The following SLC26A5 variants were observed in gnomAD, a reference collection of about 807,000 sequenced individuals.
The protein encoded by SLC26A5 is solute carrier family 26 member 5.
Under a neutral mutation model 81.0 loss-of-function variants are expected in SLC26A5, and 51 were observed. The ratio of observed to expected loss-of-function variants is 0.63; its 90% CI spans 0.50 to 0.80. The LOEUF (loss-of-function observed/expected upper bound fraction) is 0.80. Among genes scored for constraint, SLC26A5 ranks in the 30% least tolerant of loss-of-function variants. The pLI, the probability that SLC26A5 is intolerant of heterozygous loss-of-function variation, is 0.00. For missense variants in SLC26A5, 771 were observed against 905.8 expected (o/e 0.85, Z 1.91); for synonymous variants, 325 against 332.8 (o/e 0.98, Z 0.25).
intron 14 of SLC26A5, among the ~76,000 whole-genome samples, chr7:103,386,512 G>A (rs1197637639): frequency 6.6e-6 from 1 of 151,752 alleles, no homozygotes; most frequent in Non-Finnish European, 1.5e-5. Flanking sequence ...GCAGTGAGCC[G>A]AGATCATGCC....
intron 19 of SLC26A5, chr7:103,364,439 C>CAACAA: frequency 9.1e-6 from 9 of 994,450 alleles, no homozygotes; most frequent in Non-Finnish European, 1.3e-5. Flanking sequence ...GACAGAGTCT[C>CAACAA]ATTGTGTTGC....
chr7:103,430,293 G>T (rs1176509523), intron 2 of SLC26A5, among the ~76,000 whole-genome samples: 1 of 152,116 alleles, frequency 6.6e-6, no homozygotes, highest in African/African-American at 2.4e-5. Flanking sequence ...TGGCCAGGCT[G>T]GTCTCAAACT....
downstream of SLC26A5, among the ~76,000 whole-genome samples, chr7:103,372,879 T>TA (rs5886252): frequency 0.84 from 120,436 of 142,584 alleles, 52,803 homozygotes; most frequent in East Asian, 0.99. Context: ...AAGGGAAATC[T>TA]AAAAAAAAAA....
downstream of SLC26A5, chr7:103,369,478 ACT>A (rs1250355654): frequency 9.8e-5 from 15 of 152,340 alleles, no homozygotes; most frequent in Admixed American, 7.2e-4. Context: ...TGTTGAGCAC[ACT>A]CTGTTCTAAC....
intron 2 of SLC26A5, among the ~76,000 whole-genome samples, chr7:103,424,576 T>G (rs1406967891): frequency 6.6e-6 from 1 of 152,234 alleles, no homozygotes; most frequent in Admixed American, 6.5e-5. Flanking sequence ...TTTGTCCTAG[T>G]TCAGAAAGGT....
At chr7:103,399,408 C>T (rs775474504) in intron 8 of SLC26A5, among the ~76,000 whole-genome samples, 22 of 152,082 alleles carry the variant, frequency 1.4e-4, no homozygotes, top group Non-Finnish European at 2.2e-4. Context: ...AGATACATTT[C>T]GTTTTGTTTT....
At chr7:103,427,930 G>A (rs1468012929) in intron 2 of SLC26A5, among the ~76,000 whole-genome samples, 1 of 150,198 alleles carries the variant, frequency 6.7e-6, no homozygotes, top group African/African-American at 2.5e-5. Flanking sequence ...TTGGCTCACT[G>A]CAACCTATGC....
At chr7:103,404,898 TC>T (rs1236387339) in intron 8 of SLC26A5, among the ~76,000 whole-genome samples, 3 of 152,062 alleles carry the variant, frequency 2.0e-5, no homozygotes, top group Non-Finnish European at 4.4e-5. Flanking sequence ...TCTTTTTTTT[TC>T]CTCTAATCTT....
chr7:103,411,317 G>C, intron 6 of SLC26A5, 103 bp downstream of exon 6: 1 of 1,396,580 alleles, frequency 7.2e-7, no homozygotes, highest in East Asian at 2.3e-5. Context: ...GGGTTTTTCT[G>C]GCTGACCCCA....
downstream of SLC26A5, among the ~76,000 whole-genome samples, chr7:103,372,676 G>C (rs1459789318): frequency 6.6e-6 from 1 of 152,148 alleles, no homozygotes; most frequent in African/African-American, 2.4e-5. Flanking sequence ...TTCTAAGGAA[G>C]ATTTAAGTTA....
At chr7:103,430,659 G>C (rs79224116) in intron 2 of SLC26A5, among the ~76,000 whole-genome samples, 4 of 148,568 alleles carry the variant, frequency 2.7e-5, no homozygotes, top group Admixed American at 6.7e-5. Context: ...AAGGCAAAAA[G>C]GCAGGCACGT....
rs539747085 is a variant in SLC26A5 at position 103,391,391 on chromosome 7, C to T, written c.1233+231G>A. On this transcript the variant is annotated intron_variant, in intron 11 of 19. Coordinates refer to ENST00000306312, the MANE Select transcript of SLC26A5 (RefSeq NM_198999.3). ...CTGAACTTTGAAGTTTACTGGTAGC[C>T]GAGTGTTGCATAACTTTCCAATGTA... Among the ~76,000 whole-genome samples the T allele has an allele frequency of 3.6e-4, 55 of 152,226 alleles. 2 individuals carry two copies. The South Asian group carries it at 0.011, about 30-fold the overall frequency.
At chr7:103,384,417 C>T (rs1160266979) in intron 14 of SLC26A5, among the ~76,000 whole-genome samples, 3 of 151,952 alleles carry the variant, frequency 2.0e-5, no homozygotes, top group Non-Finnish European at 4.4e-5. Flanking sequence ...TCAAGACCAG[C>T]CTGGCCAAGA....
chr7:103,424,139 A>G (rs1825553093), intron 2 of SLC26A5, among the ~76,000 whole-genome samples: 1 of 152,090 alleles, frequency 6.6e-6, no homozygotes, highest in South Asian at 2.1e-4. Context: ...GTTTCAATTC[A>G]TTCTAATAAG....
chr7:103,377,844 C>T lies in SLC26A5; in HGVS notation c.1786-45G>A, dbSNP rs1171062377. ...AAACCAGAATTTTATGAACAACTCA[C>T]ATTTCTGGTTGTGAGAAAGATTTAT... On this transcript the variant is annotated intron_variant, in intron 17 of 19. Coordinates refer to ENST00000306312, the MANE Select transcript of SLC26A5 (RefSeq NM_198999.3). 4.7e-5 allele frequency: 74 copies of T among 1,566,494 alleles called. No individual in the cohort carries two copies. In the Admixed American group the frequency reaches 7.5e-4, roughly 16 times the overall value.
intron 9 of SLC26A5, among the ~76,000 whole-genome samples, chr7:103,397,527 C>T (rs1823225068): frequency 9.8e-6 from 1 of 101,856 alleles, no homozygotes; most frequent in African/African-American, 4.0e-5. Flanking sequence ...GGGGACAGAG[C>T]AAGACTCCAT....
intron 8 of SLC26A5, among the ~76,000 whole-genome samples, chr7:103,401,680 T>G (rs1270883428): frequency 6.6e-6 from 1 of 152,258 alleles, no homozygotes; most frequent in East Asian, 1.9e-4. Flanking sequence ...CTATTCAGTA[T>G]GATATTGGCT....
At chr7:103,402,365 T>C (rs925356983) in intron 8 of SLC26A5, among the ~76,000 whole-genome samples, 10 of 151,958 alleles carry the variant, frequency 6.6e-5, no homozygotes, top group African/African-American at 2.4e-4. Flanking sequence ...TTTATAGTAT[T>C]CTCTGATGGT....
intron 2 of SLC26A5, among the ~76,000 whole-genome samples, chr7:103,430,646 T>C (rs1476678): frequency 0.038 from 5,850 of 152,180 alleles, 156 homozygotes; most frequent in Non-Finnish European, 0.042. Context: ...AAATAATGGA[T>C]AGAAGGCAAA....
Sources: gnomAD v4.1 joint callset for allele counts (sites outside exome capture counted in the v4.1 genomes callset) on GRCh38, gnomAD v4.1.1 for gene constraint, MANE v1.5 for transcripts, NCBI Gene and HGNC (gene_info 2026-07-23, HGNC 2026-07-21) for gene names.